Variants in DPYD observed in about 807,000 individuals in gnomAD.
DPYD encodes dihydropyrimidine dehydrogenase.
In DPYD, 109 loss-of-function variants were observed where a neutral mutation model predicts 116.2. The ratio of observed to expected loss-of-function variants is 0.94; its 90% CI spans 0.80 to 1.10. The LOEUF (loss-of-function observed/expected upper bound fraction) is 1.10, where lower values mean the gene tolerates loss of function less well. Ranked by LOEUF, DPYD falls within the 50% of genes least tolerant of loss-of-function variation. DPYD has a pLI of 0.00. For synonymous variants in DPYD, 440 were observed against 432.0 expected (o/e 1.02, Z -0.23); for missense variants, 1,302 against 1,254.5 (o/e 1.04, Z -0.57).
In DPYD at chr1:97,436,883, G is replaced by A. The variant is rs1015353356; in HGVS notation, c.1905+13176C>T. 2.6e-5 allele frequency among the ~76,000 whole-genome samples: 4 copies of A among 151,842 alleles called. No individual in the cohort carries two copies. In the East Asian group the frequency reaches 7.7e-4, roughly 29 times the overall value. ...TAGGGACTGAAGAGCTAGGTAGCCG[G>A]GTGTTAGCGATTCAACTCAACCTAA... On this transcript the variant is annotated intron_variant, in intron 14 of 22. Transcript: ENST00000370192.
At chr1:97,515,974 T>C (rs1392916784) in intron 12 of DPYD, 33 bp from the exon 13 acceptor site, 1 of 1,581,800 alleles carries the variant, frequency 6.3e-7, no homozygotes, top group African/African-American at 1.4e-5. Flanking sequence ...TGGTTTCATA[T>C]TACATCTAAA....
chr1:97,114,126 G>T (rs545114156), intron 20 of DPYD, among the ~76,000 whole-genome samples: 2 of 152,164 alleles, frequency 1.3e-5, no homozygotes, highest in South Asian at 4.2e-4. Flanking sequence ...TCATAGAAAA[G>T]CAAAGAATAA....
chr1:97,126,210 C>A (rs1411938061), intron 20 of DPYD, among the ~76,000 whole-genome samples: 3 of 152,062 alleles, frequency 2.0e-5, no homozygotes, highest in African/African-American at 7.2e-5. Context: ...GTGAATCCAA[C>A]CTCCACACAT....
intron 14 of DPYD, among the ~76,000 whole-genome samples, chr1:97,404,923 T>G (rs1673569292): frequency 6.6e-6 from 1 of 151,892 alleles, no homozygotes; most frequent in South Asian, 2.1e-4. Flanking sequence ...AATTTTTTTC[T>G]ACTTCTTTTT....
At chr1:97,539,431 C>T (rs1650264104) in intron 12 of DPYD, among the ~76,000 whole-genome samples, 1 of 151,894 alleles carries the variant, frequency 6.6e-6, no homozygotes, top group African/African-American at 2.4e-5. Context: ...GAATTTCTAC[C>T]TCTACCTGTT....
chr1:97,313,623 G>C (rs1667645508), intron 16 of DPYD, among the ~76,000 whole-genome samples: 1 of 151,460 alleles, frequency 6.6e-6, no homozygotes, highest in African/African-American at 2.4e-5. Context: ...CTCATTTCAA[G>C]TTTTTTCTTA....
chr1:97,180,162 C>T (rs141693418), intron 20 of DPYD, among the ~76,000 whole-genome samples: 1 of 151,998 alleles, frequency 6.6e-6, no homozygotes, highest in Admixed American at 6.6e-5. Flanking sequence ...TTCCAAACAG[C>T]AGACATTTCA....
At chr1:97,911,555 C>T (rs1673937231) in intron 1 of DPYD, among the ~76,000 whole-genome samples, 1 of 151,952 alleles carries the variant, frequency 6.6e-6, no homozygotes. Flanking sequence ...TAGTTACACT[C>T]ACGGACCCTT....
chr1:97,256,538 G>T (rs1397106481), intron 18 of DPYD, among the ~76,000 whole-genome samples: 3 of 152,042 alleles, frequency 2.0e-5, no homozygotes, highest in African/African-American at 7.2e-5. Flanking sequence ...CTCTTTGCCT[G>T]CTGTTATCCA....
At chr1:97,200,668 A>G (rs1659137210) in intron 19 of DPYD, among the ~76,000 whole-genome samples, 1 of 152,228 alleles carries the variant, frequency 6.6e-6, no homozygotes, top group African/African-American at 2.4e-5. Flanking sequence ...CATGCTGTCA[A>G]AAAGAAATAT....
At chr1:97,632,018 T>C (rs548635113) in intron 8 of DPYD, among the ~76,000 whole-genome samples, 1 of 152,222 alleles carries the variant, frequency 6.6e-6, no homozygotes, top group South Asian at 2.1e-4. Context: ...CAAAAGTGCA[T>C]AAGCAGAAGC....
At chr1:97,136,813 T>A (rs1409396953) in intron 20 of DPYD, among the ~76,000 whole-genome samples, 1 of 152,114 alleles carries the variant, frequency 6.6e-6, no homozygotes, top group Non-Finnish European at 1.5e-5. Flanking sequence ...AGAAAGAACT[T>A]CTGAGCCAAA....
At chr1:97,530,220 T>C (rs545699322) in intron 12 of DPYD, among the ~76,000 whole-genome samples, 35 of 116,330 alleles carry the variant, frequency 3.0e-4, no homozygotes, top group South Asian at 1.6e-3. Flanking sequence ...TTTTCTTTTT[T>C]TTTTTTTTTT....
chr1:97,300,956 T>C (rs1174457820), intron 18 of DPYD, among the ~76,000 whole-genome samples: 3 of 152,072 alleles, frequency 2.0e-5, no homozygotes, highest in Non-Finnish European at 4.4e-5. Context: ...ACTAGCTAAA[T>C]TTCTAACTTG....
At chr1:97,153,449 T>C (rs1655182603) in intron 20 of DPYD, among the ~76,000 whole-genome samples, 1 of 152,124 alleles carries the variant, frequency 6.6e-6, no homozygotes, top group Non-Finnish European at 1.5e-5. Context: ...AAGCCACATG[T>C]AGAAGAAGGA....
chr1:97,148,751 C>A (rs1469720860), intron 20 of DPYD, among the ~76,000 whole-genome samples: 1 of 152,136 alleles, frequency 6.6e-6, no homozygotes, highest in East Asian at 1.9e-4. Context: ...TCTTTGAACT[C>A]CTGTGATTAA....
chr1:97,863,542 A>G (rs1671225518), intron 2 of DPYD, among the ~76,000 whole-genome samples: 1 of 151,876 alleles, frequency 6.6e-6, no homozygotes, highest in African/African-American at 2.4e-5. Flanking sequence ...GATTAAATAT[A>G]TAATTACATA....
At chr1:97,315,494 T>C (rs1320134412) in intron 16 of DPYD, among the ~76,000 whole-genome samples, 1 of 151,982 alleles carries the variant, frequency 6.6e-6, no homozygotes, top group Non-Finnish European at 1.5e-5. Context: ...CAAGCATTTC[T>C]CTCCAATAAA....
intron 16 of DPYD, among the ~76,000 whole-genome samples, chr1:97,336,718 C>T (rs1464339168): frequency 6.6e-6 from 1 of 152,102 alleles, no homozygotes; most frequent in Non-Finnish European, 1.5e-5. Context: ...CCACTGTATT[C>T]CAGCCTGGGT....
Sources: allele counts gnomAD v4.1 joint callset (sites outside exome capture counted in the v4.1 genomes callset), GRCh38; gene constraint gnomAD v4.1.1; transcripts MANE v1.5; gene names NCBI Gene and HGNC (gene_info 2026-07-23, HGNC 2026-07-21).